SMYD3: variants seen among roughly 807,000 people sequenced by gnomAD.
The protein encoded by SMYD3 is histone-lysine N-methyltransferase SMYD3.
A neutral mutation model predicts 57.7 loss-of-function variants in SMYD3; 36 were observed. The ratio of observed to expected loss-of-function variants is 0.62; its 90% confidence interval spans 0.48 to 0.82. The LOEUF is 0.82. Among genes scored for constraint, SMYD3 ranks in the 40% least tolerant of loss-of-function variants. SMYD3 has a pLI of 0.00. For missense variants in SMYD3, 515 were observed against 538.8 expected (o/e 0.96, Z 0.44); for synonymous variants, 211 against 195.0 (o/e 1.08, Z -0.68).
At chr1:246,088,604 C>T (rs1445989564) in intron 5 of SMYD3, among the ~76,000 whole-genome samples, 4 of 56,518 alleles carry the variant, frequency 7.1e-5, no homozygotes, top group African/African-American at 8.1e-5. Context: ...GGCGAGACTC[C>T]GTCTCAAAGA....
intron 5 of SMYD3, among the ~76,000 whole-genome samples, chr1:246,263,770 C>T (rs1398089276): frequency 2.6e-5 from 4 of 152,148 alleles, no homozygotes; most frequent in South Asian, 2.1e-4. Context: ...CATGATCAAA[C>T]CTAAATAGTG....
At chr1:245,767,992 A>G (rs2148073352) in intron 10 of SMYD3, among the ~76,000 whole-genome samples, 1 of 152,300 alleles carries the variant, frequency 6.6e-6, no homozygotes, top group South Asian at 2.1e-4. Flanking sequence ...TGGTACAAGA[A>G]AGGTTATGCA....
intron 8 of SMYD3, among the ~76,000 whole-genome samples, chr1:245,870,241 A>G (rs2052104878): frequency 6.6e-6 from 1 of 152,140 alleles, no homozygotes. Context: ...CCTTGACTCT[A>G]ATATTACTAC....
At chr1:246,463,592 C>T (rs1337436979) in intron 1 of SMYD3, among the ~76,000 whole-genome samples, 4 of 135,520 alleles carry the variant, frequency 3.0e-5, no homozygotes, top group South Asian at 2.3e-4. Flanking sequence ...CCGAGGCGGG[C>T]GGATCACGAG....
intron 1 of SMYD3, among the ~76,000 whole-genome samples, chr1:246,499,126 A>G (rs2068416277): frequency 1.3e-5 from 2 of 151,878 alleles, no homozygotes; most frequent in Non-Finnish European, 2.9e-5. Context: ...AAAAAAATGT[A>G]AAGCAATGCA....
intron 5 of SMYD3, among the ~76,000 whole-genome samples, chr1:245,981,680 G>A (rs553328381): frequency 4.2e-4 from 64 of 152,070 alleles, no homozygotes; most frequent in African/African-American, 1.5e-3. Context: ...AAGCAAAGAA[G>A]GAAACAGAAA....
chr1:246,235,513 C>A (rs1260720091), intron 5 of SMYD3, among the ~76,000 whole-genome samples: 7 of 152,110 alleles, frequency 4.6e-5, no homozygotes, highest in Non-Finnish European at 5.9e-5. Flanking sequence ...GGGCAACAGT[C>A]AGGCTCTGCA....
At chr1:245,753,040 T>G (rs920028018) in intron 11 of SMYD3, among the ~76,000 whole-genome samples, 1 of 152,288 alleles carries the variant, frequency 6.6e-6, no homozygotes, top group South Asian at 2.1e-4. Flanking sequence ...GGGACACAGG[T>G]GCCTTCCTTG....
chr1:245,794,600 C>T (rs2047443049), intron 10 of SMYD3, among the ~76,000 whole-genome samples: 1 of 152,192 alleles, frequency 6.6e-6, no homozygotes, highest in Non-Finnish European at 1.5e-5. Flanking sequence ...TGAAAATTTG[C>T]TGGTCATTCG....
chr1:245,957,196 G>T (rs900797486), intron 5 of SMYD3, among the ~76,000 whole-genome samples: 5 of 152,180 alleles, frequency 3.3e-5, no homozygotes, highest in African/African-American at 1.2e-4. Flanking sequence ...GATTTTCCAT[G>T]AAATTGAGTA....
intron 5 of SMYD3, among the ~76,000 whole-genome samples, chr1:246,168,297 GA>G (rs2148229755): frequency 6.6e-6 from 1 of 152,240 alleles, no homozygotes; most frequent in Non-Finnish European, 1.5e-5. Flanking sequence ...ATAAGGATGG[GA>G]AAAATGCACG....
chr1:246,079,525 T>C (rs1428908551), intron 5 of SMYD3, among the ~76,000 whole-genome samples: 1 of 152,184 alleles, frequency 6.6e-6, no homozygotes, highest in Admixed American at 6.5e-5. Context: ...TTGTTGTACA[T>C]GGGTAAGTAA....
chr1:246,423,495 G>A (rs1021421770), intron 1 of SMYD3, among the ~76,000 whole-genome samples: 7 of 151,816 alleles, frequency 4.6e-5, no homozygotes, highest in Admixed American at 6.6e-5. Flanking sequence ...GAGTCCAGGA[G>A]TTCAAGACAA....
At chr1:245,916,226 G>A (rs928097779) in intron 7 of SMYD3, among the ~76,000 whole-genome samples, 75 of 152,122 alleles carry the variant, frequency 4.9e-4, no homozygotes, top group African/African-American at 1.7e-3. Context: ...CACCACTGAT[G>A]GAAGCATTCA....
chr1:246,165,107 C>T (rs1009935416), intron 5 of SMYD3, among the ~76,000 whole-genome samples: 2 of 152,164 alleles, frequency 1.3e-5, no homozygotes, highest in Admixed American at 6.5e-5. Flanking sequence ...CGAAAGGGAG[C>T]GGTCCACAGG....
intron 7 of SMYD3, among the ~76,000 whole-genome samples, chr1:245,920,157 C>T (rs531842718): frequency 3.3e-5 from 5 of 151,994 alleles, no homozygotes; most frequent in South Asian, 4.2e-4. Flanking sequence ...ACTAAAAATA[C>T]AAAAAATTAG....
chr1:245,757,957 C>T (rs185804566), intron 11 of SMYD3, among the ~76,000 whole-genome samples: 1 of 152,076 alleles, frequency 6.6e-6, no homozygotes, highest in African/African-American at 2.4e-5. Flanking sequence ...CTACTTCTTC[C>T]CCAAAAAAGC....
At chr1:246,337,296 T>TA (rs1263864477) in intron 2 of SMYD3, among the ~76,000 whole-genome samples, 1 of 152,364 alleles carries the variant, frequency 6.6e-6, no homozygotes, top group East Asian at 1.9e-4. Flanking sequence ...GTCTATGCAC[T>TA]AAAGAAATGT....
At chr1:246,140,683 G>C (rs902400522) in intron 5 of SMYD3, among the ~76,000 whole-genome samples, 9 of 152,168 alleles carry the variant, frequency 5.9e-5, no homozygotes, top group African/African-American at 2.2e-4. Context: ...CACAATCACA[G>C]CTTACTGCAG....
Sources: gnomAD v4.1 joint callset for allele counts (sites outside exome capture counted in the v4.1 genomes callset) on GRCh38, gnomAD v4.1.1 for gene constraint, MANE v1.5 for transcripts, NCBI Gene and HGNC (gene_info 2026-07-23, HGNC 2026-07-21) for gene names.